Variants in ADAMTSL1 observed in about 807,000 individuals in gnomAD.
ADAMTSL1 encodes ADAMTS like 1.
Under a neutral mutation model 201.8 loss-of-function variants are expected in ADAMTSL1, and 126 were observed. The ratio of observed to expected loss-of-function variants is 0.62; its 90% CI spans 0.54 to 0.72. The LOEUF (loss-of-function observed/expected upper bound fraction) is 0.72, where lower values mean the gene tolerates loss of function less well. Ranked by LOEUF, ADAMTSL1 falls within the 30% of genes least tolerant of loss-of-function variation. ADAMTSL1 has a pLI of 0.00. For synonymous variants in ADAMTSL1, 1,121 were observed against 903.4 expected, an observed-to-expected ratio of 1.24 and a Z score of -4.32; for missense variants, 2,679 against 2,277.8, an observed-to-expected ratio of 1.18 and a Z score of -3.59.
chr9:18,597,311 A>C (rs2132514954), intron 4 of ADAMTSL1, among the ~76,000 whole-genome samples: 1 of 152,310 alleles, frequency 6.6e-6, no homozygotes. Context: ...GGCTAGGAGT[A>C]ATTTGTAATT....
intron 1 of ADAMTSL1, among the ~76,000 whole-genome samples, chr9:18,106,682 C>T (rs1002081784): frequency 2.6e-5 from 4 of 152,160 alleles, no homozygotes; most frequent in Non-Finnish European, 5.9e-5. Context: ...GAAAATGCCA[C>T]CCTCACCTTC....
chr9:18,731,949 T>C (rs1187639233), intron 15 of ADAMTSL1, among the ~76,000 whole-genome samples: 1 of 152,220 alleles, frequency 6.6e-6, no homozygotes, highest in African/African-American at 2.4e-5. Context: ...TTAGGGATTA[T>C]ATTTCCATAT....
chr9:18,760,954 A>G (rs1445947769), intron 16 of ADAMTSL1, among the ~76,000 whole-genome samples: 2 of 152,244 alleles, frequency 1.3e-5, no homozygotes, highest in African/African-American at 4.8e-5. Flanking sequence ...CACATTGTAT[A>G]GTAAGTTTTT....
chr9:17,922,230 G>A (rs757510032), intron 1 of ADAMTSL1, among the ~76,000 whole-genome samples: 7 of 151,976 alleles, frequency 4.6e-5, no homozygotes, highest in African/African-American at 7.3e-5. Context: ...CATTTTGGGG[G>A]CAGTGGGGTG....
chr9:18,013,451 A>G (rs1311654377), intron 1 of ADAMTSL1, among the ~76,000 whole-genome samples: 1 of 152,050 alleles, frequency 6.6e-6, no homozygotes, highest in Admixed American at 6.6e-5. Flanking sequence ...TCTTACCTTG[A>G]GAGTTCAAGT....
At chr9:18,338,503 G>A (rs1395409528) in intron 2 of ADAMTSL1, among the ~76,000 whole-genome samples, 1 of 152,002 alleles carries the variant, frequency 6.6e-6, no homozygotes, top group Non-Finnish European at 1.5e-5. Context: ...TTAGAGTGTG[G>A]TGGCATAATC....
chr9:18,584,003 G>C (rs1198143704), intron 4 of ADAMTSL1, among the ~76,000 whole-genome samples: 3 of 152,194 alleles, frequency 2.0e-5, no homozygotes, highest in Non-Finnish European at 4.4e-5. Context: ...TGGACTGTGG[G>C]CTTTTGAGTT....
intron 23 of ADAMTSL1, among the ~76,000 whole-genome samples, chr9:18,852,387 T>G (rs1372785017): frequency 6.6e-6 from 1 of 152,232 alleles, no homozygotes; most frequent in Non-Finnish European, 1.5e-5. Context: ...TCAGTCATTC[T>G]TATTTTGGTA....
At chr9:18,743,800 T>A (rs1321168871) in intron 15 of ADAMTSL1, among the ~76,000 whole-genome samples, 1 of 152,230 alleles carries the variant, frequency 6.6e-6, no homozygotes, top group African/African-American at 2.4e-5. Flanking sequence ...TCTCCTTTGA[T>A]CTTTTACTTT....
At chr9:18,568,342 A>T (rs1587592640) in intron 3 of ADAMTSL1, among the ~76,000 whole-genome samples, 1 of 152,348 alleles carries the variant, frequency 6.6e-6, no homozygotes, top group East Asian at 1.9e-4. Flanking sequence ...GCAGCCCACC[A>T]TCTACTTAGG....
At chr9:18,850,010 T>C (rs926765557) in intron 23 of ADAMTSL1, among the ~76,000 whole-genome samples, 1 of 152,104 alleles carries the variant, frequency 6.6e-6, no homozygotes, top group Non-Finnish European at 1.5e-5. Context: ...TGCACATCCA[T>C]AAATATAAAA....
intron 1 of ADAMTSL1, among the ~76,000 whole-genome samples, chr9:18,002,561 G>A (rs1383511902): frequency 2.0e-5 from 3 of 151,998 alleles, no homozygotes; most frequent in African/African-American, 7.2e-5. Flanking sequence ...TAATATACAT[G>A]ATCTCATGTT....
chr9:18,287,169 C>G (rs896951302), intron 2 of ADAMTSL1, among the ~76,000 whole-genome samples: 1 of 152,120 alleles, frequency 6.6e-6, no homozygotes, highest in Admixed American at 6.5e-5. Flanking sequence ...GCCAGTATCA[C>G]TGAAGAAGAA....
rs1396351842 is a variant in ADAMTSL1, at chr9:18,841,282, C to A, written c.4249+11305C>A. On this transcript the variant is annotated intron_variant, in intron 23 of 28. Transcript: ENST00000380548. ...ATTTTGTCAAAGGCCTTTTCTGCAT[C>A]TATTGAGATAATCATGTGGTTTTTG... 3.9e-5 allele frequency among the ~76,000 whole-genome samples: 6 copies of A among 151,908 alleles called. No individual in the cohort carries two copies. The East Asian group carries it at 9.6e-4, about 24-fold the overall frequency.
rs547950407 is a variant in ADAMTSL1, at chr9:18,205,918, A to G, written c.207+41937A>G. On this transcript the variant is annotated intron_variant, in intron 2 of 29. Transcript: ENST00000680146. ...AAAATACAAAAATTAGCCAGGCATG[A>G]TGGCATGCGCCTGTAATCCCAGCTA... Among the ~76,000 whole-genome samples the G allele has an allele frequency of 1.8e-3, 271 of 151,868 alleles. 2 individuals are homozygous for G. Among genetic ancestry groups the G allele is most frequent in the African/African-American group, 6.4e-3 (264 of 41,432 alleles).
chr9:18,868,811 C>G (rs1489303581), intron 23 of ADAMTSL1, among the ~76,000 whole-genome samples: 1 of 152,192 alleles, frequency 6.6e-6, no homozygotes, highest in Non-Finnish European at 1.5e-5. Context: ...TTGCCTCCGC[C>G]TCTTCAAACT....
At chr9:18,748,961 G>A (rs917745386) in intron 15 of ADAMTSL1, among the ~76,000 whole-genome samples, 1 of 152,158 alleles carries the variant, frequency 6.6e-6, no homozygotes, top group Non-Finnish European at 1.5e-5. Context: ...GTGGCTCCCG[G>A]CACTCTTCGG....
intron 2 of ADAMTSL1, among the ~76,000 whole-genome samples, chr9:18,419,356 A>G (rs1285605883): frequency 6.6e-6 from 1 of 151,560 alleles, no homozygotes; most frequent in East Asian, 2.0e-4. Context: ...AATCTTAATC[A>G]GAACTATTAA....
chr9:18,501,503 CAAAAAAA>C (rs397894789), intron 1 of ADAMTSL1, among the ~76,000 whole-genome samples: 7 of 93,088 alleles, frequency 7.5e-5, no homozygotes, highest in African/African-American at 3.6e-4. Context: ...GACACGGTCT[CAAAAAAA>C]AAAAAAAAAA....
Sources: gnomAD v4.1 joint callset for allele counts (sites outside exome capture counted in the v4.1 genomes callset) on GRCh38, gnomAD v4.1.1 for gene constraint, MANE v1.5 for transcripts, NCBI Gene and HGNC (gene_info 2026-07-23, HGNC 2026-07-21) for gene names.